Variants in DSCC1 observed in about 807,000 individuals in gnomAD.
DSCC1 encodes the protein DNA replication and sister chromatid cohesion 1.
A neutral mutation model predicts 48.2 loss-of-function variants in DSCC1; 32 were observed. The ratio of observed to expected loss-of-function variants is 0.66; its 90% CI spans 0.50 to 0.89. The LOEUF is 0.89. Among genes scored for constraint, DSCC1 ranks in the 40% least tolerant of loss-of-function variants. The pLI, the probability that DSCC1 is intolerant of heterozygous loss-of-function variation, is 0.00. For missense variants in DSCC1, 421 were observed against 471.7 expected (o/e 0.89, Z 1.00); for synonymous variants, 150 against 171.5 (o/e 0.87, Z 0.98).
chr8:119,853,020 T>C (rs1195122587), intron 2 of DSCC1, 27 bp downstream of exon 2: 4 of 1,511,168 alleles, frequency 2.6e-6, no homozygotes, highest in African/African-American at 2.8e-5. Context: ...CTCAGACTTT[T>C]ATAAATCAGA....
At chr8:119,840,410 A>C (rs1826749924) in intron 7 of DSCC1, 3 of 152,060 alleles carry the variant, frequency 2.0e-5, no homozygotes, top group Non-Finnish European at 4.4e-5. Context: ...ATGAAATTAG[A>C]GAGAATATCA....
At chr8:119,844,085 T>G (rs776397802) in intron 4 of DSCC1, among the ~76,000 whole-genome samples, 1 of 150,364 alleles carries the variant, frequency 6.7e-6, no homozygotes, top group African/African-American at 2.4e-5. Flanking sequence ...CCAAAGAACA[T>G]TTTATGTAAA....
intron 7 of DSCC1, 54 bp from the exon 8 acceptor site, chr8:119,838,461 C>A (rs1826719363): frequency 3.4e-6 from 5 of 1,470,214 alleles, no homozygotes; most frequent in Middle Eastern, 1.8e-4. Context: ...AATGTTTAAA[C>A]ATGACTCATT....
At chr8:119,846,896 T>C in intron 4 of DSCC1, 94 bp downstream of exon 4, 1 of 1,160,412 alleles carries the variant, frequency 8.6e-7, no homozygotes. Flanking sequence ...GAATATTAAA[T>C]AAACTATACG....
At chr8:119,845,689 C>T (rs138147873) in intron 4 of DSCC1, among the ~76,000 whole-genome samples, 1,977 of 151,858 alleles carry the variant, frequency 0.013, 23 homozygotes, top group Middle Eastern at 0.031. Context: ...TGGCTCACAC[C>T]TGTAATCTCA....
At chr8:119,854,116 G>A (rs1826980442) in intron 1 of DSCC1, among the ~76,000 whole-genome samples, 1 of 152,156 alleles carries the variant, frequency 6.6e-6, no homozygotes, top group Non-Finnish European at 1.5e-5. Flanking sequence ...CAGGAGGCTG[G>A]TGGGAGGATC....
intron 7 of DSCC1, chr8:119,840,431 A>G (rs1300509221): frequency 2.0e-4 from 31 of 152,224 alleles, no homozygotes; most frequent in Admixed American, 2.0e-3. Flanking sequence ...TTCTAGAACA[A>G]AAAGCTTTGT....
intron 8 of DSCC1, among the ~76,000 whole-genome samples, chr8:119,835,493 T>G (rs1826666990): frequency 6.6e-6 from 1 of 151,340 alleles, no homozygotes; most frequent in East Asian, 1.9e-4. Context: ...AGTGACAGTG[T>G]GAGACTCTGT....
chr8:119,843,522 G>T, intron 5 of DSCC1, 87 bp downstream of exon 5: 4 of 1,459,416 alleles, frequency 2.7e-6, no homozygotes, highest in Non-Finnish European at 2.8e-6. Context: ...AATGATTGTA[G>T]TTTATGCCCT....
rs1404681349 is a variant in DSCC1, at chr8:119,855,800, G to A, written c.-5C>T. 2 of 1,517,642 alleles carry A rather than the reference G, an allele frequency of 1.3e-6. No individual in the cohort carries two copies. Among genetic ancestry groups the A allele is most frequent in the Non-Finnish European group, 1.8e-6 (2 of 1,133,416 alleles). 94.0% of individuals were successfully genotyped at this position (1,517,642 alleles called of 1,614,324 possible). A position where few individuals can be genotyped will look rare whatever the true frequency, so the allele number is the denominator to read the frequency against. ...CTCGTCGCGGGTCCTCTTCATCGCA[G>A]CGCCGGGTCTAGGAGTCCCGCCGCG... On this transcript the variant is annotated 5_prime_UTR_variant, in exon 1 of 9. Coordinates refer to ENST00000313655, the MANE Select transcript of DSCC1 (RefSeq NM_024094.3).
At chr8:119,849,979 C>G (rs1826920910) in intron 3 of DSCC1, among the ~76,000 whole-genome samples, 1 of 152,084 alleles carries the variant, frequency 6.6e-6, no homozygotes, top group South Asian at 2.1e-4. Flanking sequence ...ATTATGTCCC[C>G]TCTCAAGAGC....
chr8:119,843,127 T>A lies in DSCC1; in HGVS notation c.717-299A>T, dbSNP rs965021663. Among the ~76,000 whole-genome samples, 22 of 151,382 alleles carry A rather than the reference T, an allele frequency of 1.5e-4. 1 individual carries two copies. Among genetic ancestry groups the A allele is most frequent in the Non-Finnish European group, 2.7e-4 (18 of 67,820 alleles). On this transcript the variant is annotated intron_variant, in intron 5 of 8. Coordinates refer to ENST00000313655, the MANE Select transcript of DSCC1 (RefSeq NM_024094.3). ...ATTGTTTGTTTTATTTTATTTTTTT[T>A]TTTTTTTTGAGAGTGCAGTAGCGCA...
chr8:119,845,043 A>G (rs1826834553), intron 4 of DSCC1, among the ~76,000 whole-genome samples: 1 of 149,164 alleles, frequency 6.7e-6, no homozygotes, highest in African/African-American at 2.5e-5. Context: ...AGAGATTATG[A>G]CATGCCATTT....
In DSCC1 at chr8:119,834,083, T is replaced by C. The variant is rs1826621226; in HGVS notation, c.*810A>G. The C allele has an allele frequency of 6.6e-6, 1 of 152,248 alleles. No individual in the cohort carries two copies. The highest frequency in any genetic ancestry group is 2.4e-5 in the African/African-American group (1 of 41,468). 9.4% of individuals were successfully genotyped at this position (152,248 alleles called of 1,614,324 possible). A position where few individuals can be genotyped will look rare whatever the true frequency, so the allele number is the denominator to read the frequency against. On this transcript the variant is annotated 3_prime_UTR_variant, in exon 9 of 9. Coordinates refer to ENST00000313655, the MANE Select transcript of DSCC1 (RefSeq NM_024094.3). ...TCAGTAACAGTTAAACCTTCTTTAA[T>C]TATGGATTAGCCATTAACATTTTTG...
chr8:119,847,057 A>G lies in DSCC1; in HGVS notation c.510T>C (p.Asp170=), dbSNP rs148167477. Residue 170 remains aspartate (D), a synonymous_variant, in exon 4 of 9, where the codon GAT becomes GAC. Transcript: ENST00000313655. The part of the protein sequence containing the change: ...SSKYTTEDLL[D]QIQASEEEIM... ...TTTCTTCCTCACTTGCCTGAATTTG[A>G]TCAAGCAAATCTTCAGTTGTATACT... The G allele has an allele frequency of 3.7e-6, 6 of 1,613,314 alleles. No homozygotes were observed. In the African/African-American group the frequency reaches 8.0e-5, roughly 22 times the overall value.
At chr8:119,842,966 T>G in intron 5 of DSCC1, 138 bp from the exon 6 acceptor site, 1 of 700,200 alleles carries the variant, frequency 1.4e-6, no homozygotes, top group Non-Finnish European at 2.4e-6. Context: ...AATATTATTT[T>G]ATTTAAATTA....
At chr8:119,850,228 G>A (rs1400566848) in intron 3 of DSCC1, among the ~76,000 whole-genome samples, 154 bp downstream of exon 3, 1 of 152,164 alleles carries the variant, frequency 6.6e-6, no homozygotes, top group Non-Finnish European at 1.5e-5. Context: ...TATACTATGT[G>A]TGCTTTGGGG....
chr8:119,846,725 G>C lies in DSCC1; in HGVS notation c.577+265C>G, dbSNP rs548129800. Among the ~76,000 whole-genome samples, 3 of 152,180 alleles carry C rather than the reference G, an allele frequency of 2.0e-5. No individual in the cohort carries two copies. The East Asian group carries it at 5.8e-4, about 29-fold the overall frequency. On this transcript the variant is annotated intron_variant, in intron 4 of 8. Transcript: ENST00000313655. ...TTACAGGCATGCACCACCACACCCA[G>C]CTAATTTTGTATTTTTAGTAGACAG...
intron 1 of DSCC1, among the ~76,000 whole-genome samples, chr8:119,854,768 T>A (rs923286300): frequency 6.6e-6 from 1 of 152,200 alleles, no homozygotes; most frequent in African/African-American, 2.4e-5. Context: ...AACAGACTAG[T>A]GAAGTTCTTT....
Sources: gnomAD v4.1 joint callset for allele counts (sites outside exome capture counted in the v4.1 genomes callset) on GRCh38, gnomAD v4.1.1 for gene constraint, MANE v1.5 for transcripts, NCBI Gene and HGNC (gene_info 2026-07-23, HGNC 2026-07-21) for gene names.